Variants in TSPOAP1 observed in about 807,000 individuals in gnomAD.
The protein encoded by TSPOAP1 is peripheral-type benzodiazepine receptor-associated protein 1.
TSPOAP1 carries 87 observed loss-of-function variants against 197.0 expected under a neutral mutation model. The observed-to-expected ratio is 0.44, with a 90% CI of 0.37 to 0.53. TSPOAP1 has a LOEUF of 0.53. TSPOAP1 is among the 20% of genes least tolerant of loss of function. The pLI is 0.00. For synonymous variants in TSPOAP1, 913 were observed against 998.9 expected (o/e 0.91, Z 1.62); for missense variants, 2,174 against 2,411.3 (o/e 0.90, Z 2.06).
Position 58,311,757 on chromosome 17 carries a change from G to A in TSPOAP1, c.2930-35C>T, listed in dbSNP as rs761110429. ...GGGGGGCACAAGACCCAGTGATGCA[G>A]GACGCTCCCCATCAGAGATACCTGC... is the stretch of plus-strand genomic sequence containing the variant. On this transcript the variant is annotated intron_variant, in intron 17 of 31. Coordinates refer to ENST00000343736, the MANE Select transcript of TSPOAP1 (RefSeq NM_004758.4). The A allele has an allele frequency of 2.6e-5, 40 of 1,531,154 alleles. No individual in the cohort carries two copies. In the Admixed American group the frequency reaches 7.9e-4, roughly 30 times the overall value. The allele number at this position is 1,531,154 out of a possible 1,614,324, so 94.8% of individuals were successfully genotyped here. A position where few individuals can be genotyped will look rare whatever the true frequency, so the allele number is the denominator to read the frequency against.
chr17:58,311,088 G>A lies in TSPOAP1; in HGVS notation c.3207C>T (p.Ser1069=). The A allele has an allele frequency of 6.3e-7, 1 of 1,583,938 alleles. No individual in the cohort carries two copies. The highest frequency in any genetic ancestry group is 2.3e-5 in the East Asian group (1 of 43,146). Residue 1069 remains serine (S), a synonymous_variant, in exon 19 of 32, where the codon TCC becomes TCT. Coordinates refer to ENST00000343736, the MANE Select transcript of TSPOAP1 (RefSeq NM_004758.4). ...TMSPHGESAD[S]IPAPITPALA... ...GGGCGGGAGTGATAGGAGCCGGGAT[G>A]GAGTCCGCCGACTCCCCGTGGGGCG...
At chr17:58,315,929 A>T (rs1010476790) in intron 16 of TSPOAP1, 94 bp downstream of exon 16, 1 of 912,726 alleles carries the variant, frequency 1.1e-6, no homozygotes, top group Admixed American at 1.8e-5. Flanking sequence ...GGATGGATGG[A>T]TGAATGGATG....
chr17:58,306,291 C>T lies in TSPOAP1; in HGVS notation c.5224+51G>A, dbSNP rs894792186. On this transcript the variant is annotated intron_variant, in intron 26 of 31. Coordinates refer to ENST00000343736, the MANE Select transcript of TSPOAP1 (RefSeq NM_004758.4). ...AACAGACAGCCAAGCAGCGCCACCC[C>T]ACCGCACACACATCCTCCCAGCACC... is the stretch of plus-strand genomic sequence containing the variant. 4 of 1,496,852 alleles carry T rather than the reference C, an allele frequency of 2.7e-6. No homozygotes were observed. In the East Asian group the frequency reaches 7.4e-5, roughly 28 times the overall value. 92.7% of individuals were successfully genotyped at this position (1,496,852 alleles called of 1,614,324 possible).
rs201901371 is a variant in TSPOAP1, at chr17:58,323,541, G to A, written c.947C>T (p.Thr316Met). 61 of 1,613,756 alleles carry A rather than the reference G, an allele frequency of 3.8e-5. No homozygotes were observed. The South Asian group carries it at 4.6e-4, about 12-fold the overall frequency. The change falls in exon 6 of 32, where the codon ACG becomes ATG. Residue 316 changes from threonine (T) to methionine (M), a missense_variant. Around this residue, in one of 5 missense-constraint regions of TSPOAP1, gnomAD observed 1,933 missense variants for 2,139.0 expected, o/e 0.90. Transcript: ENST00000343736. ...TAGGTTGTCCGCATCCTCCTGGGGC[G>A]TGGCCTGGAAATGCCCAGGGGCAAG... ...APAPGAPGEA[T>M]PQEDADNLPV...
intron 5 of TSPOAP1, 55 bp from the exon 6 acceptor site, chr17:58,323,600 C>A (rs1971466931): frequency 1.9e-6 from 3 of 1,574,658 alleles, no homozygotes; most frequent in African/African-American, 1.3e-5. Flanking sequence ...CCCAGGGCAG[C>A]CTGCCCCAGC....
chr17:58,322,865 A>G lies in TSPOAP1; in HGVS notation c.1194+85T>C. 1 of 1,603,080 alleles carries G rather than the reference A, an allele frequency of 6.2e-7. No homozygotes were observed. Among genetic ancestry groups the G allele is most frequent in the East Asian group, 2.2e-5 (1 of 44,634 alleles). On this transcript the variant is annotated intron_variant, in intron 8 of 31. Transcript: ENST00000343736. This position sits in a 1 kb window ranked among gnomAD's most constrained non-coding sequence, Gnocchi z 5.0. ...GGGGAACAGTACCCTACCCCTGCTC[A>G]GGGGTGGAGGAGAAAGCCCCTTGGC...
intron 11 of TSPOAP1, 84 bp from the exon 12 acceptor site, chr17:58,320,213 G>A (rs113903491): frequency 6.6e-6 from 10 of 1,518,304 alleles, no homozygotes; most frequent in Middle Eastern, 1.7e-4. Flanking sequence ...GGAGAAGGGG[G>A]CCTAAGTGGA....
Position 58,328,506 on chromosome 17 carries a change from G to T in TSPOAP1, c.-586C>A. The T allele has an allele frequency of 6.5e-6, 1 of 154,948 alleles. No homozygotes were observed. Among genetic ancestry groups the T allele is most frequent in the Non-Finnish European group, 1.4e-5 (1 of 69,562 alleles). 9.6% of individuals were successfully genotyped at this position (154,948 alleles called of 1,614,324 possible). ...TCGGTGTCGTTGTGTGTCTGTCAGT[G>T]TCTGTGGGTCTGGCCGTCTGTCGCA... On this transcript the variant is annotated 5_prime_UTR_variant, in exon 1 of 32. Transcript: ENST00000343736. The surrounding 1 kb of genome is among the most constrained non-coding windows in gnomAD (Gnocchi z 4.3).
In TSPOAP1 at chr17:58,325,383, C is replaced by T. The variant is rs2143148022; in HGVS notation, c.750+151G>A. On this transcript the variant is annotated intron_variant, in intron 4 of 31. Transcript: ENST00000343736. ...ATGGCTCCACCCCCTTCTCCCCTCT[C>T]CCACCTGGGCCGTTGCCAGGGGAAC... 2.1e-6 allele frequency: 2 copies of T among 967,776 alleles called. 1 individual carries two copies. The highest frequency in any genetic ancestry group is 5.2e-5 in the East Asian group (2 of 38,116). The allele number at this position is 967,776 out of a possible 1,614,324, so 59.9% of individuals were successfully genotyped here.
chr17:58,321,188 T>G (rs1013751265), intron 10 of TSPOAP1, among the ~76,000 whole-genome samples: 1 of 152,114 alleles, frequency 6.6e-6, no homozygotes, highest in Non-Finnish European at 1.5e-5. Context: ...TGCTGCCCCT[T>G]CATCCTTCAC....
rs1237486435 is a variant in TSPOAP1 at position 58,311,984 on chromosome 17, T to A, written c.2837A>T (p.Glu946Val). 2 of 1,611,582 alleles carry A rather than the reference T, an allele frequency of 1.2e-6. No individual in the cohort carries two copies. Among genetic ancestry groups the A allele is most frequent in the South Asian group, 2.2e-5 (2 of 90,946 alleles). The change falls in exon 17 of 32, where the codon GAG (glutamate) becomes GTG (valine). Residue 946 changes from glutamate to valine, a missense_variant. Glu to Val is a moderately radical substitution (Grantham distance 121). Transcript: ENST00000343736. ...RPGTPYQAQV[E>V]AQLPPQGPWE... Reference sequence around the variant, plus strand: ...GGGCCCTTGGGGTGGGAGCTGAGCCTCCACTTGGGCCTGATAGGGTGTGCC... The same window carrying A: ...GGGCCCTTGGGGTGGGAGCTGAGCCACCACTTGGGCCTGATAGGGTGTGCC...
rs1334353569 is a variant in TSPOAP1, at chr17:58,309,003, A to T, written c.4269T>A (p.Asp1423Glu). Reference sequence around the variant, plus strand: ...GAAGTCGGCTGCAGTGTTCTCGGGGATCTGGAGGCCGCCTGCGGCTTGGGG... The same window carrying T: ...GAAGTCGGCTGCAGTGTTCTCGGGGTTCTGGAGGCCGCCTGCGGCTTGGGG... ...EKPPSRRRPP[D>E]PREHCSRLLS... Residue 1423 changes from aspartate to glutamate, a missense_variant, in exon 22 of 32, where the codon GAT becomes GAA. By Grantham distance (45) the Asp-to-Glu change is conservative. Transcript: ENST00000343736. The surrounding 1 kb of genome is among the most constrained non-coding windows in gnomAD (Gnocchi z 5.0). The T allele has an allele frequency of 1.2e-6, 2 of 1,612,214 alleles. No homozygotes were observed. Among genetic ancestry groups the T allele is most frequent in the African/African-American group, 1.3e-5 (1 of 74,866 alleles).
intron 10 of TSPOAP1, among the ~76,000 whole-genome samples, chr17:58,321,826 T>C (rs1971413121): frequency 1.3e-5 from 2 of 152,220 alleles, no homozygotes; most frequent in African/African-American, 4.8e-5. Flanking sequence ...TTCAGGAGCT[T>C]CTATCTACTC....
chr17:58,326,849 C>A lies in TSPOAP1; in HGVS notation c.334-59G>T. The A allele has an allele frequency of 2.1e-6, 3 of 1,444,036 alleles. 1 individual carries two copies. The highest frequency in any genetic ancestry group is 2.9e-6 in the Non-Finnish European group (3 of 1,027,948). The allele number at this position is 1,444,036 out of a possible 1,614,324, so 89.5% of individuals were successfully genotyped here. A position where few individuals can be genotyped will look rare whatever the true frequency, so the allele number is the denominator to read the frequency against. On this transcript the variant is annotated intron_variant, in intron 1 of 31. Coordinates refer to ENST00000343736, the MANE Select transcript of TSPOAP1 (RefSeq NM_004758.4). This position sits in a 1 kb window ranked among gnomAD's most constrained non-coding sequence, Gnocchi z 4.7. ...GAAACCCACGTCACCCAGCCAGAGCCTTCCCTGTGGAAGCATCCACCATCC... is the reference window on the plus strand; with the variant it reads ...GAAACCCACGTCACCCAGCCAGAGCATTCCCTGTGGAAGCATCCACCATCC...
Position 58,307,926 on chromosome 17 carries a change from C to T in TSPOAP1, c.4747G>A (p.Glu1583Lys), listed in dbSNP as rs1172652920. The T allele has an allele frequency of 1.9e-6, 3 of 1,612,498 alleles. No homozygotes were observed. The highest frequency in any genetic ancestry group is 2.5e-6 in the Non-Finnish European group (3 of 1,179,592). The change falls in exon 23 of 32, where the codon GAG (glutamate) becomes AAG (lysine). Residue 1583 changes from glutamate to lysine, a missense_variant. Glu to Lys is a moderately conservative substitution (Grantham distance 56, BLOSUM62 1). Around this residue, in one of 5 missense-constraint regions of TSPOAP1, gnomAD observed 1,933 missense variants for 2,139.0 expected, o/e 0.90. Transcript: ENST00000343736. ...EPLSRATETG[E>K]ARGQDGSGRR... ...CCAGAGCCGTCCTGCCCTCTGGCCT[C>T]TCCGGTCTCTGTTGCCTGCAAAAAG... is the stretch of plus-strand genomic sequence containing the variant.
chr17:58,307,434 T>A (rs1970935103), intron 24 of TSPOAP1, 177 bp downstream of exon 24: 1 of 793,224 alleles, frequency 1.3e-6, no homozygotes, highest in Admixed American at 2.9e-5. Context: ...GGGGCCTAGG[T>A]AATCTACTCA....
At position 58,308,950 on chromosome 17, in the gene TSPOAP1, C is replaced by T; in HGVS notation, c.4322G>A (p.Gly1441Glu). The change falls in exon 22 of 32, where the codon GGA (glycine) becomes GAA (glutamate). Residue 1441 changes from glycine (G) to glutamate (E), a missense_variant. By Grantham distance (98) the Gly-to-Glu change is moderately conservative. Coordinates refer to ENST00000343736, the MANE Select transcript of TSPOAP1 (RefSeq NM_004758.4). ...CCTCTCCCGTGTGGGGCCCAGTCGTCCAGAGGCCTGGGGCCCATTGTTGCT... is the reference window on the plus strand; with the variant it reads ...CCTCTCCCGTGTGGGGCCCAGTCGTTCAGAGGCCTGGGGCCCATTGTTGCT... ...LLSNNGPQAS[G>E]RLGPTRERGG... is the part of the protein sequence containing the mutation. The T allele has an allele frequency of 6.2e-7, 1 of 1,605,680 alleles. No homozygotes were observed. The highest frequency in any genetic ancestry group is 8.5e-7 in the Non-Finnish European group (1 of 1,176,622).
At chr17:58,311,807 G>C (rs988416715) in intron 17 of TSPOAP1, 85 bp from the exon 18 acceptor site, 34 of 1,489,250 alleles carry the variant, frequency 2.3e-5, no homozygotes, top group Non-Finnish European at 3.0e-5. Flanking sequence ...CCCTGATAAC[G>C]CAAATAAGAT....
At position 58,326,840 on chromosome 17, in the gene TSPOAP1, A is replaced by G; in HGVS notation, c.334-50T>C. On this transcript the variant is annotated intron_variant, in intron 1 of 31. Coordinates refer to ENST00000343736, the MANE Select transcript of TSPOAP1 (RefSeq NM_004758.4). This position sits in a 1 kb window ranked among gnomAD's most constrained non-coding sequence, Gnocchi z 4.7. ...AGCACCTCAGAAACCCACGTCACCC[A>G]GCCAGAGCCTTCCCTGTGGAAGCAT... 1 of 1,492,292 alleles carries G rather than the reference A, an allele frequency of 6.7e-7. No individual in the cohort carries two copies. The highest frequency in any genetic ancestry group is 1.1e-5 in the South Asian group (1 of 88,478). 92.4% of individuals were successfully genotyped at this position (1,492,292 alleles called of 1,614,324 possible).
Sources: gnomAD v4.1 joint callset for allele counts (sites outside exome capture counted in the v4.1 genomes callset) on GRCh38, gnomAD v4.1.1 for gene constraint, gnomAD v4.1.1 regional missense constraint, Gnocchi (gnomAD v3.1) non-coding constraint, MANE v1.5 for transcripts, NCBI Gene and HGNC (gene_info 2026-07-23, HGNC 2026-07-21) for gene names.